COG5: variants seen among roughly 807,000 people sequenced by gnomAD.
The protein encoded by COG5 is conserved oligomeric Golgi complex subunit 5.
COG5 carries 86 observed loss-of-function variants against 110.4 expected under a neutral mutation model. The ratio of observed to expected loss-of-function variants is 0.78; its 90% CI spans 0.65 to 0.93. The LOEUF (loss-of-function observed/expected upper bound fraction) is 0.93, where lower values mean the gene tolerates loss of function less well. COG5 is among the 40% of genes least tolerant of loss of function. The pLI is 0.00. For synonymous variants in COG5, 360 were observed against 334.6 expected, an observed-to-expected ratio of 1.08 and a Z score of -0.83; for missense variants, 1,077 against 987.0, an observed-to-expected ratio of 1.09 and a Z score of -1.22.
intron 10 of COG5, among the ~76,000 whole-genome samples, chr7:107,329,524 A>G (rs986992553): frequency 1.3e-5 from 2 of 152,156 alleles, no homozygotes; most frequent in Non-Finnish European, 1.5e-5. Context: ...ATACTATACT[A>G]TATAATAGTA....
At chr7:107,539,832 A>C (rs1166339454) in intron 5 of COG5, among the ~76,000 whole-genome samples, 7 of 152,216 alleles carry the variant, frequency 4.6e-5, no homozygotes, top group African/African-American at 1.7e-4. Flanking sequence ...AATACACGAA[A>C]TAATTTTAGA....
intron 11 of COG5, among the ~76,000 whole-genome samples, chr7:107,307,260 T>C (rs1022684161): frequency 2.0e-5 from 3 of 152,170 alleles, no homozygotes; most frequent in Non-Finnish European, 1.5e-5. Context: ...TCATTTGATT[T>C]CTGTTGATCA....
At chr7:107,220,815 C>CGTTTTTT (rs1799863701) in intron 19 of COG5, among the ~76,000 whole-genome samples, 1 of 123,932 alleles carries the variant, frequency 8.1e-6, no homozygotes, top group Non-Finnish European at 1.7e-5. Flanking sequence ...CTCATGCCTT[C>CGTTTTTT]TTTTTTTTTT....
At chr7:107,212,820 G>A (rs1367497957) in intron 19 of COG5, among the ~76,000 whole-genome samples, 1 of 152,168 alleles carries the variant, frequency 6.6e-6, no homozygotes, top group Non-Finnish European at 1.5e-5. Context: ...AGAAGAGTAA[G>A]AGGCATGGTT....
intron 6 of COG5, among the ~76,000 whole-genome samples, chr7:107,483,464 G>A (rs926811112): frequency 1.3e-5 from 2 of 152,162 alleles, no homozygotes; most frequent in Admixed American, 1.3e-4. Flanking sequence ...TCAGCACTTT[G>A]GGAGGCTGAG....
At chr7:107,323,713 G>GC (rs1279962884) in intron 11 of COG5, among the ~76,000 whole-genome samples, 7 of 152,096 alleles carry the variant, frequency 4.6e-5, no homozygotes, top group Non-Finnish European at 1.0e-4. Flanking sequence ...ATTTAACTCT[G>GC]GTCAGTGTAG....
intron 6 of COG5, among the ~76,000 whole-genome samples, chr7:107,447,525 C>T (rs952861666): frequency 6.6e-6 from 1 of 152,116 alleles, no homozygotes; most frequent in Non-Finnish European, 1.5e-5. Flanking sequence ...AAGTTATTAA[C>T]CAGGATACAG....
chr7:107,411,317 G>A (rs533141084), intron 7 of COG5, among the ~76,000 whole-genome samples: 1 of 151,934 alleles, frequency 6.6e-6, no homozygotes, highest in Non-Finnish European at 1.5e-5. Context: ...CTAAAAAAAG[G>A]TATCTTCTCT....
Position 107,452,801 on chromosome 7 carries a change from T to A in COG5, c.539-40169A>T, listed in dbSNP as rs116474567. Among the ~76,000 whole-genome samples, 184 of 152,308 alleles carry A rather than the reference T, an allele frequency of 1.2e-3. 2 individuals are homozygous for A. The highest frequency in any genetic ancestry group is 4.2e-3 in the African/African-American group (175 of 41,574). On this transcript the variant is annotated intron_variant, in intron 6 of 21. Transcript: ENST00000297135. ...TTTCTTGTATTCCCCATCTTTAATT[T>A]CTTCTAGGAAAGGCTGTCTCTTTGT...
intron 10 of COG5, among the ~76,000 whole-genome samples, chr7:107,328,618 G>A (rs976578801): frequency 6.6e-6 from 1 of 151,990 alleles, no homozygotes; most frequent in Non-Finnish European, 1.5e-5. Flanking sequence ...AAGAGATGGG[G>A]GACAGGGAAA....
chr7:107,399,362 T>A (rs1384500509), intron 7 of COG5, among the ~76,000 whole-genome samples: 3 of 152,148 alleles, frequency 2.0e-5, no homozygotes, highest in Non-Finnish European at 1.5e-5. Context: ...GTAATCCTCA[T>A]ACTCCCCATG....
At position 107,558,113 on chromosome 7, in the gene COG5, A is replaced by C; in HGVS notation, c.97T>G (p.Cys33Gly). 6.2e-7 allele frequency: 1 copy of C among 1,613,458 alleles called. No individual in the cohort carries two copies. The highest frequency in any genetic ancestry group is 8.5e-7 in the Non-Finnish European group (1 of 1,179,812). Residue 33 changes from cysteine (C) to glycine (G), a missense_variant and splice_region_variant, in exon 2 of 22, where the codon TGT (cysteine) becomes GGT (glycine). Transcript: ENST00000297135. Reference protein sequence around the residue: ...ATVRELLQDGCYSDFLNEDFD... With the variant: ...ATVRELLQDGGYSDFLNEDFD... The stretch of plus-strand genomic sequence containing the variant: ...TCTTCGTTTAAAAAGTCACTATAAC[A>C]CCCTGGATTGGGGAAAAAATAAGGA...
intron 11 of COG5, among the ~76,000 whole-genome samples, chr7:107,310,574 CAT>C (rs1484621998): frequency 3.9e-5 from 6 of 152,154 alleles, no homozygotes; most frequent in East Asian, 1.9e-4. Context: ...CGATAAAGAA[CAT>C]GTGTGGAATA....
At chr7:107,547,378 A>G (rs1416169222) in intron 5 of COG5, among the ~76,000 whole-genome samples, 1 of 152,198 alleles carries the variant, frequency 6.6e-6, no homozygotes, top group Non-Finnish European at 1.5e-5. Flanking sequence ...CCTCAACGCA[A>G]TAGAGGCCAT....
chr7:107,307,778 G>A (rs1177192059), intron 11 of COG5, among the ~76,000 whole-genome samples: 3 of 151,534 alleles, frequency 2.0e-5, no homozygotes, highest in Admixed American at 6.6e-5. Flanking sequence ...GGTGGGAGTG[G>A]GGTGAGGAAT....
rs1001137054 is a variant in COG5, at chr7:107,362,349, T to C, written c.907A>G (p.Met303Val). The C allele has an allele frequency of 7.4e-6, 12 of 1,613,470 alleles. No homozygotes were observed. The Admixed American group carries it at 1.0e-4, about 13-fold the overall frequency. ...AALRASFWTN[M>V]EKLMDHIYAV... is the part of the protein sequence containing the mutation. ...TAAATATGATCCATAAGTTTCTCCA[T>C]ATTGGTCCAGAATGAGGCACGCAAA... is the stretch of plus-strand genomic sequence containing the variant. Residue 303 changes from methionine to valine, a missense_variant, in exon 9 of 22, where the codon ATG becomes GTG. Met to Val is a conservative substitution (Grantham distance 21). Coordinates refer to ENST00000297135, the MANE Select transcript of COG5 (RefSeq NM_006348.5).
chr7:107,341,340 T>A (rs796330466), intron 10 of COG5, among the ~76,000 whole-genome samples: 1 of 151,832 alleles, frequency 6.6e-6, no homozygotes, highest in Non-Finnish European at 1.5e-5. Flanking sequence ...AAGATCTCCA[T>A]AAGATATACA....
At chr7:107,204,670 T>C (rs1051181649) in intron 21 of COG5, among the ~76,000 whole-genome samples, 5 of 152,202 alleles carry the variant, frequency 3.3e-5, no homozygotes, top group African/African-American at 4.8e-5. Flanking sequence ...AGATTTTTCA[T>C]TGAATTGTGG....
intron 14 of COG5, among the ~76,000 whole-genome samples, chr7:107,276,537 T>C (rs371302698): frequency 1.3e-5 from 2 of 152,222 alleles, no homozygotes; most frequent in East Asian, 3.9e-4. Context: ...CTAGGCATGC[T>C]GGCATGCCCA....
Sources: gnomAD v4.1 joint callset for allele counts (sites outside exome capture counted in the v4.1 genomes callset) on GRCh38, gnomAD v4.1.1 for gene constraint, MANE v1.5 for transcripts, NCBI Gene and HGNC (gene_info 2026-07-23, HGNC 2026-07-21) for gene names.